CNKSR2: variants seen among roughly 807,000 people sequenced by gnomAD.
CNKSR2 encodes the protein CNK homolog protein 2.
A neutral mutation model predicts 84.4 loss-of-function variants in CNKSR2; 14 were observed. The ratio of observed to expected loss-of-function variants is 0.17; its 90% CI spans 0.11 to 0.26. The LOEUF is 0.26. CNKSR2 is among the 10% of genes least tolerant of loss of function. The pLI, the probability that CNKSR2 is intolerant of heterozygous loss-of-function variation, is 1.00. For missense variants in CNKSR2, 485 were observed against 771.2 expected, an observed-to-expected ratio of 0.63 and a Z score of 4.40; for synonymous variants, 275 against 277.9, an observed-to-expected ratio of 0.99 and a Z score of 0.10.
chrX:21,539,600 C>A (rs1042895930), intron 11 of CNKSR2, among the ~76,000 whole-genome samples: 4 of 110,623 alleles, frequency 3.6e-5, no homozygotes, highest in Non-Finnish European at 7.5e-5. Flanking sequence ...ACATTGATAT[C>A]TGTGCATCTG....
At chrX:21,516,112 C>G (rs2091725766) in intron 8 of CNKSR2, among the ~76,000 whole-genome samples, 1 of 111,243 alleles carries the variant, frequency 9.0e-6, no homozygotes, top group African/African-American at 3.3e-5. Flanking sequence ...TTGCCAAATC[C>G]TTGTTTTCAG....
chrX:21,438,269 G>A, intron 3 of CNKSR2, among the ~76,000 whole-genome samples: 1 of 111,880 alleles, frequency 8.9e-6, no homozygotes, highest in Middle Eastern at 4.7e-3. Flanking sequence ...GTAACAGAAT[G>A]GTAAGTATTT....
chrX:21,571,026 C>G (rs1354255889), intron 13 of CNKSR2, among the ~76,000 whole-genome samples: 1 of 112,183 alleles, frequency 8.9e-6, no homozygotes, highest in Non-Finnish European at 1.9e-5. Flanking sequence ...CTTCTGTTTT[C>G]TTCTGTGTCA....
chrX:21,454,120 CTTCCTCTGGGAAG>C (rs771179914), intron 4 of CNKSR2, among the ~76,000 whole-genome samples: 215 of 111,721 alleles, frequency 1.9e-3, no homozygotes, highest in Non-Finnish European at 3.2e-3. Flanking sequence ...TTACACATCA[CTTCCTCTGGGAAG>C]TTCCTCTGAT....
intron 11 of CNKSR2, 131 bp from the exon 12 acceptor site, chrX:21,561,340 T>C: frequency 1.8e-6 from 1 of 544,924 alleles, no homozygotes. Context: ...TTTCTCCATC[T>C]ACACAAATGC....
At chrX:21,631,735 G>A (rs998836407) in intron 20 of CNKSR2, among the ~76,000 whole-genome samples, 1 of 112,177 alleles carries the variant, frequency 8.9e-6, no homozygotes, top group Non-Finnish European at 1.9e-5. Context: ...AATATCTCAT[G>A]CAGTATGTAG....
At chrX:21,440,961 T>G in intron 4 of CNKSR2, 180 bp downstream of exon 4, 1 of 324,144 alleles carries the variant, frequency 3.1e-6, no homozygotes, top group Non-Finnish European at 5.3e-6. Flanking sequence ...TTAGCTCAGT[T>G]AGCTTACCAG....
intron 20 of CNKSR2, chrX:21,644,668 A>C (rs2092701595): frequency 9.0e-6 from 1 of 111,362 alleles, no homozygotes; most frequent in Admixed American, 9.6e-5. Context: ...GACAAATTCT[A>C]CTCGTGGAAA....
At chrX:21,450,989 G>A (rs1049175399) in intron 4 of CNKSR2, among the ~76,000 whole-genome samples, 1 of 112,210 alleles carries the variant, frequency 8.9e-6, no homozygotes, top group African/African-American at 3.2e-5. Flanking sequence ...GTATAAAATA[G>A]AAGTGTGAAG....
At chrX:21,528,002 A>G (rs138407496) in intron 10 of CNKSR2, among the ~76,000 whole-genome samples, 1,326 of 110,884 alleles carry the variant, frequency 0.012, 24 homozygotes, top group African/African-American at 0.041. Flanking sequence ...TTTATCTGCA[A>G]ATACTGTGTT....
intron 1 of CNKSR2, among the ~76,000 whole-genome samples, chrX:21,395,646 A>C (rs1212498514): frequency 1.8e-5 from 2 of 111,399 alleles, no homozygotes; most frequent in African/African-American, 3.3e-5. Flanking sequence ...TCTTTCCTAT[A>C]AAAGAAAGTT....
chrX:21,613,833 G>A (rs1243641514), intron 20 of CNKSR2, among the ~76,000 whole-genome samples: 1 of 109,149 alleles, frequency 9.2e-6, no homozygotes, highest in Non-Finnish European at 1.9e-5. Context: ...CCAGCTACTA[G>A]GTGGCTGAGA....
intron 11 of CNKSR2, among the ~76,000 whole-genome samples, chrX:21,553,062 G>C (rs1468049253): frequency 8.9e-6 from 1 of 111,747 alleles, no homozygotes; most frequent in Non-Finnish European, 1.9e-5. Context: ...CAAACAAAAA[G>C]TTGCATCCAC....
chrX:21,501,296 A>G (rs2091556925), intron 7 of CNKSR2, among the ~76,000 whole-genome samples: 1 of 109,848 alleles, frequency 9.1e-6, no homozygotes, highest in African/African-American at 3.3e-5. Context: ...TAGAATGCAA[A>G]CTATTTTTTA....
At chrX:21,461,204 G>T (rs917310908) in intron 4 of CNKSR2, among the ~76,000 whole-genome samples, 1 of 112,142 alleles carries the variant, frequency 8.9e-6, no homozygotes, top group Admixed American at 9.4e-5. Flanking sequence ...GTTATTGTCT[G>T]TCTTTTGGAT....
At chrX:21,483,593 AATATATAT>A (rs10592013) in intron 5 of CNKSR2, among the ~76,000 whole-genome samples, 1 of 98,750 alleles carries the variant, frequency 1.0e-5, no homozygotes, top group Non-Finnish European at 2.0e-5. Context: ...AGTATAATAA[AATATATAT>A]ATATATATAT....
intron 1 of CNKSR2, among the ~76,000 whole-genome samples, chrX:21,398,862 T>C (rs1449860649): frequency 8.9e-6 from 1 of 111,791 alleles, no homozygotes; most frequent in African/African-American, 3.2e-5. Context: ...TCTGATTTAG[T>C]TTAACTAAAT....
chrX:21,431,525 C>G (rs970506920), intron 2 of CNKSR2, among the ~76,000 whole-genome samples: 8 of 111,462 alleles, frequency 7.2e-5, no homozygotes, highest in Admixed American at 1.9e-4. Flanking sequence ...CAGGCCCAAG[C>G]AAATTCTTAC....
At chrX:21,617,568 T>G (rs1188555239) in intron 20 of CNKSR2, among the ~76,000 whole-genome samples, 1 of 111,974 alleles carries the variant, frequency 8.9e-6, no homozygotes, top group Non-Finnish European at 1.9e-5. Flanking sequence ...TTAACTACTG[T>G]CGAAAGTTAA....
Sources: gnomAD v4.1 joint callset for allele counts (sites outside exome capture counted in the v4.1 genomes callset) on GRCh38, gnomAD v4.1.1 for gene constraint, MANE v1.5 for transcripts, NCBI Gene and HGNC (gene_info 2026-07-23, HGNC 2026-07-21) for gene names.